Variants in CBX1 observed in about 807,000 individuals in gnomAD.
CBX1 encodes the protein chromobox protein homolog 1.
Under a neutral mutation model 25.1 loss-of-function variants are expected in CBX1, and 10 were observed. The observed-to-expected ratio is 0.40, with a 90% CI of 0.25 to 0.68. The LOEUF (loss-of-function observed/expected upper bound fraction) is 0.68. Ranked by LOEUF, CBX1 falls within the 30% of genes least tolerant of loss-of-function variation. The pLI is 0.40. For synonymous variants in CBX1, 63 were observed against 79.4 expected (o/e 0.79, Z 1.10); for missense variants, 106 against 218.5 (o/e 0.49, Z 3.25).
chr17:48,085,127 T>G (rs533147237), intron 1 of CBX1, among the ~76,000 whole-genome samples: 3 of 152,324 alleles, frequency 2.0e-5, no homozygotes, highest in African/African-American at 7.2e-5. Context: ...ACCTAAACAT[T>G]TGCTGAGTCT....
intron 4 of CBX1, 69 bp downstream of exon 4, chr17:48,074,937 C>A: frequency 9.0e-7 from 1 of 1,115,728 alleles, no homozygotes; most frequent in Non-Finnish European, 1.4e-6. Flanking sequence ...AGGTCCAGCT[C>A]TTTTCCTCTG....
intron 1 of CBX1, among the ~76,000 whole-genome samples, chr17:48,090,580 T>C (rs7220520): frequency 0.27 from 41,447 of 152,102 alleles, 6,378 homozygotes; most frequent in African/African-American, 0.43. Context: ...CTGATCCAAT[T>C]CATTTTCAAC....
intron 4 of CBX1, 160 bp downstream of exon 4, chr17:48,074,846 A>C: frequency 1.5e-6 from 1 of 656,024 alleles, no homozygotes; most frequent in South Asian, 1.8e-5. Context: ...TCATGAGTCC[A>C]GGGTGGCAGT....
intron 1 of CBX1, among the ~76,000 whole-genome samples, chr17:48,090,848 C>T (rs544525302): frequency 3.3e-5 from 5 of 152,328 alleles, no homozygotes; most frequent in Non-Finnish European, 4.4e-5. Context: ...GCACCTATTA[C>T]GTGTAAGGTG....
Position 48,092,116 on chromosome 17 carries a change from G to A in CBX1, c.-38+9152C>T, listed in dbSNP as rs188323025. On this transcript the variant is annotated intron_variant, in intron 1 of 4. Coordinates refer to ENST00000225603, the MANE Select transcript of CBX1 (RefSeq NM_001127228.2). ...AGTGATTCTCCTGCCTCAACCTCCCGAGTGGCTGGGATTACAGGCATGCGC... is the reference window on the plus strand; with the variant it reads ...AGTGATTCTCCTGCCTCAACCTCCCAAGTGGCTGGGATTACAGGCATGCGC... 3.5e-3 allele frequency among the ~76,000 whole-genome samples: 492 copies of A among 139,060 alleles called. 8 individuals are homozygous for A. Among genetic ancestry groups the A allele is most frequent in the African/African-American group, 0.013 (480 of 36,674 alleles). 91.2% of individuals were successfully genotyped at this position (139,060 alleles called of 152,430 possible).
chr17:48,080,308 A>G (rs1163322909), intron 1 of CBX1, among the ~76,000 whole-genome samples: 1 of 152,142 alleles, frequency 6.6e-6, no homozygotes, highest in African/African-American at 2.4e-5. Flanking sequence ...AAACTCTGGA[A>G]TTAACAGGCA....
chr17:48,090,215 A>T (rs562277507), intron 1 of CBX1, among the ~76,000 whole-genome samples: 1 of 152,224 alleles, frequency 6.6e-6, no homozygotes, highest in South Asian at 2.1e-4. Flanking sequence ...TGTGACAAAA[A>T]TTTTAAGATT....
chr17:48,101,388 C>T lies in CBX1; in HGVS notation c.-158G>A, dbSNP rs1337443375. 1.0e-6 allele frequency: 1 copy of T among 985,586 alleles called. No homozygotes were observed. The highest frequency in any genetic ancestry group is 1.2e-6 in the Non-Finnish European group (1 of 830,096). 61.1% of individuals were successfully genotyped at this position (985,586 alleles called of 1,614,324 possible). On this transcript the variant is annotated 5_prime_UTR_variant, in exon 1 of 5. Transcript: ENST00000225603. ...AAGCCGGGTGGCCGCAGTGGCGTCCCTCACTGAAGCGGCGTACCGCAGGCC... is the reference window on the plus strand; with the variant it reads ...AAGCCGGGTGGCCGCAGTGGCGTCCTTCACTGAAGCGGCGTACCGCAGGCC...
chr17:48,089,344 G>A (rs202038908), intron 1 of CBX1, among the ~76,000 whole-genome samples: 6 of 150,138 alleles, frequency 4.0e-5, no homozygotes, highest in African/African-American at 7.3e-5. Context: ...CTCGTGATCC[G>A]CCCATCTCGG....
chr17:48,101,166 C>T, intron 1 of CBX1, 102 bp downstream of exon 1: 3 of 987,176 alleles, frequency 3.0e-6, no homozygotes, highest in Non-Finnish European at 3.6e-6. Context: ...GCTCCCCGCT[C>T]CTAACCTCCG....
At chr17:48,076,614 C>T (rs2037676872) in intron 2 of CBX1, among the ~76,000 whole-genome samples, 1 of 152,062 alleles carries the variant, frequency 6.6e-6, no homozygotes, top group Admixed American at 6.6e-5. Context: ...GAGGCTGCAG[C>T]GAGCTATGAC....
At chr17:48,100,072 G>T (rs2063399208) in intron 1 of CBX1, among the ~76,000 whole-genome samples, 1 of 140,182 alleles carries the variant, frequency 7.1e-6, no homozygotes, top group South Asian at 2.4e-4. Flanking sequence ...CCGGGAGGTG[G>T]AGGTTGCAGT....
chr17:48,074,714 TCC>T (rs1330898939), intron 4 of CBX1, among the ~76,000 whole-genome samples: 2 of 152,102 alleles, frequency 1.3e-5, no homozygotes, highest in African/African-American at 4.8e-5. Flanking sequence ...TTTCATTTTC[TCC>T]CCCTTTATTT....
intron 1 of CBX1, among the ~76,000 whole-genome samples, chr17:48,086,616 G>A (rs981574824): frequency 1.3e-5 from 2 of 152,214 alleles, no homozygotes; most frequent in Admixed American, 6.6e-5. Flanking sequence ...AGCACTTTGG[G>A]AGGCTGAGGC....
intron 1 of CBX1, among the ~76,000 whole-genome samples, chr17:48,083,067 T>C (rs1267553868): frequency 6.7e-6 from 1 of 149,766 alleles, no homozygotes; most frequent in Non-Finnish European, 1.5e-5. Context: ...AGTTTCTCCA[T>C]GTTGGTCAGG....
rs1463230549 is a variant in CBX1 at position 48,070,567 on chromosome 17, T to G, written c.*868A>C. 1 of 152,646 alleles carries G rather than the reference T, an allele frequency of 6.6e-6. No homozygotes were observed. Among genetic ancestry groups the G allele is most frequent in the Admixed American group, 6.5e-5 (1 of 15,274 alleles). The allele number at this position is 152,646 out of a possible 1,614,324, so 9.5% of individuals were successfully genotyped here. A position where few individuals can be genotyped will look rare whatever the true frequency, so the allele number is the denominator to read the frequency against. On this transcript the variant is annotated 3_prime_UTR_variant, in exon 5 of 5. Transcript: ENST00000225603. The stretch of plus-strand genomic sequence containing the variant: ...CAGCCAGTGGCTTGGATGAACAAGC[T>G]GATATTTATAACTTCGTTACTGGAA...
At chr17:48,100,902 TCAC>T in intron 1 of CBX1, 9 of 985,652 alleles carry the variant, frequency 9.1e-6, no homozygotes, top group Non-Finnish European at 1.1e-5. Flanking sequence ...ATGCGCCTCC[TCAC>T]GCCTATCCAA....
intron 1 of CBX1, among the ~76,000 whole-genome samples, chr17:48,081,075 G>A (rs1198718780): frequency 1.4e-5 from 2 of 144,858 alleles, no homozygotes; most frequent in African/African-American, 5.1e-5. Flanking sequence ...ACCAGGTTAT[G>A]AGACTGCCTA....
chr17:48,095,046 CA>C (rs1025809572), intron 1 of CBX1, among the ~76,000 whole-genome samples: 62 of 136,858 alleles, frequency 4.5e-4, no homozygotes, highest in Non-Finnish European at 3.8e-4. Flanking sequence ...GACTCTGCCT[CA>C]AAAAAAAAAA....
Sources: allele counts gnomAD v4.1 joint callset (sites outside exome capture counted in the v4.1 genomes callset), GRCh38; gene constraint gnomAD v4.1.1; transcripts MANE v1.5; gene names NCBI Gene and HGNC (gene_info 2026-07-23, HGNC 2026-07-21).